The following TMC1 variants were observed in gnomAD, a reference collection of about 807,000 sequenced individuals.
TMC1 encodes the protein transmembrane channel-like protein 1.
TMC1 carries 84 observed loss-of-function variants against 105.8 expected under a neutral mutation model. The ratio of observed to expected loss-of-function variants is 0.79; its 90% CI spans 0.67 to 0.95. The LOEUF (loss-of-function observed/expected upper bound fraction) is 0.95, where lower values mean the gene tolerates loss of function less well. Among genes scored for constraint, TMC1 ranks in the 40% least tolerant of loss-of-function variants. TMC1 has a pLI of 0.00. For synonymous variants in TMC1, 315 were observed against 311.5 expected, an observed-to-expected ratio of 1.01 and a Z score of -0.12; for missense variants, 817 against 914.1, an observed-to-expected ratio of 0.89 and a Z score of 1.37.
chr9:72,819,626 C>T (rs1023776733), intron 19 of TMC1, among the ~76,000 whole-genome samples: 1 of 152,162 alleles, frequency 6.6e-6, no homozygotes, highest in Non-Finnish European at 1.5e-5. Flanking sequence ...CAATATTCCA[C>T]TTTTCAAATA....
intron 18 of TMC1, among the ~76,000 whole-genome samples, chr9:72,812,225 AG>A (rs756013248): frequency 6.6e-6 from 1 of 152,254 alleles, no homozygotes; most frequent in Admixed American, 6.5e-5. Context: ...GAATGGAGTT[AG>A]CAAATGAACT....
rs563322370 is a variant in TMC1, at chr9:72,826,915, G to A, written c.2050G>A (p.Asp684Asn). Residue 684 changes from aspartate (D) to asparagine (N), a missense_variant, in exon 21 of 24, where the codon GAT becomes AAT. By Grantham distance (23) the Asp-to-Asn change is conservative. Transcript: ENST00000297784. ...AGTCATTGGAGAGACCCTGGAGCAC[G>A]ATTTCCCAAGCTGGATGGCGAAGAT... ...FEVIGETLEH[D>N]FPSWMAKILR... 24 of 1,614,086 alleles carry A rather than the reference G, an allele frequency of 1.5e-5. No individual in the cohort carries two copies. In the Admixed American group the frequency reaches 2.0e-4, roughly 13 times the overall value.
chr9:72,567,289 A>C (rs181183006), intron 1 of TMC1, among the ~76,000 whole-genome samples: 65 of 152,228 alleles, frequency 4.3e-4, no homozygotes, highest in African/African-American at 1.5e-3. Context: ...TGTATTCTTC[A>C]CTTCTCAAAT....
chr9:72,537,373 C>G (rs564437604), intron 1 of TMC1, among the ~76,000 whole-genome samples: 2 of 152,248 alleles, frequency 1.3e-5, no homozygotes, highest in Admixed American at 6.5e-5. Context: ...GAATTCCTCT[C>G]CTGAAAACAC....
intron 2 of TMC1, among the ~76,000 whole-genome samples, chr9:72,597,144 G>GT (rs1057470864): frequency 7.2e-5 from 11 of 152,192 alleles, no homozygotes; most frequent in African/African-American, 7.2e-5. Context: ...AATAAGAAAA[G>GT]TTTTTTTGTA....
chr9:72,629,054 T>C (rs1825402663), intron 4 of TMC1, among the ~76,000 whole-genome samples: 2 of 152,222 alleles, frequency 1.3e-5, no homozygotes, highest in African/African-American at 4.8e-5. Context: ...CACTACTATA[T>C]GCCATATTCT....
intron 3 of TMC1, among the ~76,000 whole-genome samples, chr9:72,621,500 A>G (rs940422196): frequency 6.6e-6 from 1 of 152,220 alleles, no homozygotes; most frequent in Admixed American, 6.5e-5. Context: ...TCAAGAATCA[A>G]ATGTTGCTTG....
At chr9:72,605,229 A>T (rs1311407925) in intron 2 of TMC1, among the ~76,000 whole-genome samples, 2 of 152,240 alleles carry the variant, frequency 1.3e-5, no homozygotes, top group African/African-American at 4.8e-5. Context: ...CTATAGTTGC[A>T]TAACAAATTA....
chr9:72,555,673 TGCAGTGGC>T (rs1237219979), intron 1 of TMC1, among the ~76,000 whole-genome samples: 1 of 151,628 alleles, frequency 6.6e-6, no homozygotes, highest in African/African-American at 2.4e-5. Flanking sequence ...CATGCTGGAG[TGCAGTGGC>T]GCAATCTTGG....
intron 8 of TMC1, among the ~76,000 whole-genome samples, chr9:72,708,507 C>CT (rs71495335): frequency 0.22 from 31,729 of 146,384 alleles, 3,566 homozygotes; most frequent in South Asian, 0.32. Flanking sequence ...ATCCCAAGTA[C>CT]TTTTTTTTTT....
In TMC1 at chr9:72,627,991, C is replaced by A. The variant is rs1238713812; in HGVS notation, c.-125C>A. 2.2e-6 allele frequency: 1 copy of A among 455,458 alleles called. No individual in the cohort carries two copies. The highest frequency in any genetic ancestry group is 4.4e-6 in the Non-Finnish European group (1 of 226,662). The allele number at this position is 455,458 out of a possible 1,614,324, so 28.2% of individuals were successfully genotyped here. A position where few individuals can be genotyped will look rare whatever the true frequency, so the allele number is the denominator to read the frequency against. ...TGAAAATCTCTGCTGGGGGCAGCAA[C>A]TTTGAGCCTGTGGGGAAGGAACTGT... On this transcript the variant is annotated 5_prime_UTR_variant, in exon 4 of 24. Coordinates refer to ENST00000297784, the MANE Select transcript of TMC1 (RefSeq NM_138691.3).
chr9:72,545,784 G>A (rs142434015), intron 1 of TMC1, among the ~76,000 whole-genome samples: 1 of 150,656 alleles, frequency 6.6e-6, no homozygotes, highest in African/African-American at 2.4e-5. Flanking sequence ...CACCACACCC[G>A]GTCTCCATAA....
At chr9:72,727,185 T>A (rs962343021) in intron 8 of TMC1, among the ~76,000 whole-genome samples, 1 of 152,180 alleles carries the variant, frequency 6.6e-6, no homozygotes, top group Non-Finnish European at 1.5e-5. Context: ...CTCTTTAACA[T>A]CCATTTGAAT....
chr9:72,600,329 C>T (rs73651607), intron 2 of TMC1, among the ~76,000 whole-genome samples: 17,171 of 152,180 alleles, frequency 0.11, 1,119 homozygotes, highest in Non-Finnish European at 0.16. Context: ...CTAGCTTTGT[C>T]GCTGATTCAG....
chr9:72,596,560 AAGAC>A (rs1260680630), intron 2 of TMC1, among the ~76,000 whole-genome samples: 22 of 150,096 alleles, frequency 1.5e-4, no homozygotes, highest in East Asian at 1.4e-3. Context: ...AAAAAAAAAA[AAGAC>A]AGAAATAGAA....
Position 72,598,475 on chromosome 9 carries a change from G to A in TMC1, c.-305-17893G>A, listed in dbSNP as rs917624608. Reference sequence around the variant, plus strand: ...TTTCTCCCTTAGGAGAATGTTGTGAGGTGCTGATTGTTCTCTGCTTCATAA... The same window carrying A: ...TTTCTCCCTTAGGAGAATGTTGTGAAGTGCTGATTGTTCTCTGCTTCATAA... On this transcript the variant is annotated intron_variant, in intron 2 of 23. Coordinates refer to ENST00000297784, the MANE Select transcript of TMC1 (RefSeq NM_138691.3). 2.6e-5 allele frequency among the ~76,000 whole-genome samples: 4 copies of A among 151,918 alleles called. 1 individual carries two copies. The highest frequency in any genetic ancestry group is 6.6e-5 in the Admixed American group (1 of 15,252).
At chr9:72,813,182 C>T (rs547744662) in intron 18 of TMC1, among the ~76,000 whole-genome samples, 1 of 151,948 alleles carries the variant, frequency 6.6e-6, no homozygotes, top group South Asian at 2.1e-4. Flanking sequence ...CGTTTTTTAC[C>T]TTTGAGCTTT....
At chr9:72,737,195 G>A (rs1366846690) in intron 8 of TMC1, among the ~76,000 whole-genome samples, 1 of 152,100 alleles carries the variant, frequency 6.6e-6, no homozygotes, top group African/African-American at 2.4e-5. Context: ...GCAGTTTTCT[G>A]CATTTACCTG....
At chr9:72,829,463 GA>G (rs1246481878) in intron 21 of TMC1, among the ~76,000 whole-genome samples, 1 of 152,072 alleles carries the variant, frequency 6.6e-6, no homozygotes, top group African/African-American at 2.4e-5. Flanking sequence ...CCAAATCCAG[GA>G]ACTTTTCTAA....
Sources: gnomAD v4.1 joint callset for allele counts (sites outside exome capture counted in the v4.1 genomes callset) on GRCh38, gnomAD v4.1.1 for gene constraint, MANE v1.5 for transcripts, NCBI Gene and HGNC (gene_info 2026-07-23, HGNC 2026-07-21) for gene names.